RCBTB1: variants seen among roughly 807,000 people sequenced by gnomAD.
RCBTB1 encodes the protein RCC1 and BTB domain containing protein 1.
RCBTB1 carries 46 observed loss-of-function variants against 62.4 expected under a neutral mutation model. The ratio of observed to expected loss-of-function variants is 0.74; its 90% CI spans 0.58 to 0.94. The LOEUF is 0.94. RCBTB1 is among the 40% of genes least tolerant of loss of function. RCBTB1 has a pLI of 0.00. For missense variants in RCBTB1, 565 were observed against 654.9 expected (o/e 0.86, Z 1.50); for synonymous variants, 222 against 245.8 (o/e 0.90, Z 0.91).
chr13:49,575,330 G>C (rs1336508463), intron 2 of RCBTB1, among the ~76,000 whole-genome samples: 1 of 152,032 alleles, frequency 6.6e-6, no homozygotes, highest in Non-Finnish European at 1.5e-5. Context: ...CAGCCACTGT[G>C]GAAAGCAGTT....
intron 9 of RCBTB1, 79 bp from the exon 10 acceptor site, chr13:49,544,942 ATGAC>A: frequency 8.7e-7 from 1 of 1,150,658 alleles, no homozygotes; most frequent in Non-Finnish European, 1.2e-6. Flanking sequence ...AAAGATCATC[ATGAC>A]CGTGATGGAT....
chr13:49,546,302 T>C (rs890734332), intron 9 of RCBTB1: 1 of 984,934 alleles, frequency 1.0e-6, no homozygotes, highest in African/African-American at 1.7e-5. Context: ...ACTTTCCGTC[T>C]AACACTCAGA....
intron 2 of RCBTB1, among the ~76,000 whole-genome samples, chr13:49,570,805 C>T (rs961007381): frequency 7.2e-5 from 11 of 152,186 alleles, no homozygotes; most frequent in African/African-American, 2.2e-4. Flanking sequence ...ATTTAATCTT[C>T]GTAATACTCT....
chr13:49,581,366 C>T (rs1480082607), intron 1 of RCBTB1, among the ~76,000 whole-genome samples: 1 of 152,114 alleles, frequency 6.6e-6, no homozygotes, highest in South Asian at 2.1e-4. Flanking sequence ...AAGGCAGAGC[C>T]GAAGATCACA....
At chr13:49,560,159 G>A (rs1443098403) in intron 4 of RCBTB1, 75 bp from the exon 5 acceptor site, 27 of 1,494,172 alleles carry the variant, frequency 1.8e-5, no homozygotes, top group East Asian at 2.3e-5. Context: ...CCAGAACTTC[G>A]TACAGCTCCT....
chr13:49,534,119 G>T lies in RCBTB1; in HGVS notation c.*3C>A. 6.2e-7 allele frequency: 1 copy of T among 1,613,180 alleles called. No individual in the cohort carries two copies. The highest frequency in any genetic ancestry group is 8.5e-7 in the Non-Finnish European group (1 of 1,179,636). ...CTCACACAGAACCCAGCAGCCTTGC[G>T]CTTCAGTTCTTAAAGGCTCCACATT... On this transcript the variant is annotated 3_prime_UTR_variant, in exon 13 of 13. Coordinates refer to ENST00000378302, the MANE Select transcript of RCBTB1 (RefSeq NM_018191.4).
rs113089751 is a variant in RCBTB1 at position 49,555,668 on chromosome 13, A to G, written c.450T>C (p.Phe150=). 1.9e-5 allele frequency: 30 copies of G among 1,584,266 alleles called. No homozygotes were observed. The highest frequency in any genetic ancestry group is 1.5e-4 in the African/African-American group (11 of 73,888). The change falls in exon 6 of 13, where the codon TTT becomes TTC. Residue 150 remains phenylalanine (F), a synonymous_variant. Transcript: ENST00000378302. The part of the protein sequence containing the change: ...SMALAADGEV[F]AWGYNNCGQV... The stretch of plus-strand genomic sequence containing the variant: ...GGCCACAGTTGTTATAACCCCAAGC[A>G]AACACCTACAAGAGAAAGAAAAAGG...
intron 2 of RCBTB1, among the ~76,000 whole-genome samples, chr13:49,569,059 T>C (rs1963219485): frequency 1.3e-5 from 2 of 152,128 alleles, no homozygotes; most frequent in Non-Finnish European, 2.9e-5. Flanking sequence ...AATAAGGAAA[T>C]GGAGAAAAAG....
rs1481382805 is a variant in RCBTB1, at chr13:49,534,230, G to C, written c.1488C>G (p.Ile496Met). Reference protein sequence around the residue: ...DLEEFCFKFCINHLTEVTQTA... With the variant: ...DLEEFCFKFCMNHLTEVTQTA... ...TCTGTGTAACTTCTGTCAAATGATTGATGCAAAACTTAAAGCAGAATTCTT... is the reference window on the plus strand; with the variant it reads ...TCTGTGTAACTTCTGTCAAATGATTCATGCAAAACTTAAAGCAGAATTCTT... The change falls in exon 13 of 13, where the codon ATC becomes ATG. Residue 496 changes from isoleucine (I) to methionine (M), a missense_variant. Coordinates refer to ENST00000378302, the MANE Select transcript of RCBTB1 (RefSeq NM_018191.4). The C allele has an allele frequency of 6.2e-7, 1 of 1,613,982 alleles. No homozygotes were observed. Among genetic ancestry groups the C allele is most frequent in the South Asian group, 1.1e-5 (1 of 91,050 alleles).
intron 1 of RCBTB1, among the ~76,000 whole-genome samples, chr13:49,583,238 G>T (rs1964206736): frequency 6.6e-6 from 1 of 152,098 alleles, no homozygotes; most frequent in Non-Finnish European, 1.5e-5. Flanking sequence ...CAGTCACCAG[G>T]GAGGATGGGA....
rs934173286 is a variant in RCBTB1, at chr13:49,585,435, A to G, written c.-122+9T>C. On this transcript the variant is annotated intron_variant, in intron 1 of 12. Coordinates refer to ENST00000378302, the MANE Select transcript of RCBTB1 (RefSeq NM_018191.4). Reference sequence around the variant, plus strand: ...CCTCCGCGAGCTCGACCCCGCGCCCACACGCTACCTGCGAGGTCAGCTGCT... The same window carrying G: ...CCTCCGCGAGCTCGACCCCGCGCCCGCACGCTACCTGCGAGGTCAGCTGCT... The G allele has an allele frequency of 5.3e-5, 8 of 152,360 alleles. No individual in the cohort carries two copies. The highest frequency in any genetic ancestry group is 1.7e-4 in the African/African-American group (7 of 41,440). 9.4% of individuals were successfully genotyped at this position (152,360 alleles called of 1,614,324 possible). A position where few individuals can be genotyped will look rare whatever the true frequency, so the allele number is the denominator to read the frequency against.
chr13:49,539,970 C>G (rs897591463), intron 12 of RCBTB1, among the ~76,000 whole-genome samples: 1 of 152,178 alleles, frequency 6.6e-6, no homozygotes, highest in Non-Finnish European at 1.5e-5. Flanking sequence ...CTCCTTGATA[C>G]CAGATATTCT....
In RCBTB1 at chr13:49,534,144, T is replaced by C; in HGVS notation, c.1574A>G (p.Lys525Arg). Residue 525 changes from lysine (K) to arginine (R), a missense_variant, in exon 13 of 13, where the codon AAA becomes AGA. Transcript: ENST00000378302. Reference sequence around the variant, plus strand: ...GCTTCAGTTCTTAAAGGCTCCACATTTACTGGCTTTAGCAATGAATTCCTT... The same window carrying C: ...GCTTCAGTTCTTAAAGGCTCCACATCTACTGGCTTTAGCAATGAATTCCTT... ...LLKEFIAKASKCGAFKN is the reference protein window; with the variant it reads ...LLKEFIAKASRCGAFKN 1 of 1,614,052 alleles carries C rather than the reference T, an allele frequency of 6.2e-7. No homozygotes were observed. The highest frequency in any genetic ancestry group is 8.5e-7 in the Non-Finnish European group (1 of 1,179,992).
intron 2 of RCBTB1, among the ~76,000 whole-genome samples, chr13:49,574,742 T>C (rs550792773): frequency 1.3e-5 from 2 of 150,888 alleles, no homozygotes; most frequent in Admixed American, 1.3e-4. Flanking sequence ...TTCTAGCATA[T>C]ACCCCAAAGA....
At chr13:49,567,122 T>C in intron 3 of RCBTB1, 32 bp downstream of exon 3, 1 of 1,610,742 alleles carries the variant, frequency 6.2e-7, no homozygotes, top group Non-Finnish European at 8.5e-7. Flanking sequence ...AAATAAGTCC[T>C]AAAACGAAAC....
At position 49,581,213 on chromosome 13, in the gene RCBTB1, T is replaced by C. The variant is rs372488157; in HGVS notation, c.-121-629A>G. Among the ~76,000 whole-genome samples the C allele has an allele frequency of 7.3e-5, 11 of 150,290 alleles. 1 individual carries two copies. In the East Asian group the frequency reaches 2.2e-3, roughly 30 times the overall value. On this transcript the variant is annotated intron_variant, in intron 1 of 12. Coordinates refer to ENST00000378302, the MANE Select transcript of RCBTB1 (RefSeq NM_018191.4). The stretch of plus-strand genomic sequence containing the variant: ...AGACATGAGACGACAAAGGAGTGCT[T>C]AGAGGAAGTCCAGATGGCTATGGTA...
chr13:49,546,475 A>T, intron 9 of RCBTB1: 1 of 255,638 alleles, frequency 3.9e-6, no homozygotes, highest in Non-Finnish European at 6.1e-6. Context: ...TGGTTTGGGG[A>T]TGATTCAAGC....
At chr13:49,544,602 G>T in intron 10 of RCBTB1, 135 bp downstream of exon 10, 1 of 658,416 alleles carries the variant, frequency 1.5e-6, no homozygotes, top group Non-Finnish European at 2.5e-6. Context: ...GAAATGGACT[G>T]ATACTATCTG....
intron 2 of RCBTB1, among the ~76,000 whole-genome samples, chr13:49,579,480 C>T (rs1359279847): frequency 1.3e-5 from 2 of 152,084 alleles, no homozygotes; most frequent in African/African-American, 4.8e-5. Context: ...AAAAATTAGC[C>T]GGGCCTGGTA....
Sources: gnomAD v4.1 joint callset for allele counts (sites outside exome capture counted in the v4.1 genomes callset) on GRCh38, gnomAD v4.1.1 for gene constraint, MANE v1.5 for transcripts, NCBI Gene and HGNC (gene_info 2026-07-23, HGNC 2026-07-21) for gene names.